The following FAM149A variants were observed in gnomAD, a reference collection of about 807,000 sequenced individuals.
The protein encoded by FAM149A is family with sequence similarity 149 member A.
A neutral mutation model predicts 78.2 loss-of-function variants in FAM149A; 71 were observed. The ratio of observed to expected loss-of-function variants is 0.91; its 90% confidence interval spans 0.75 to 1.11. The LOEUF (loss-of-function observed/expected upper bound fraction) is 1.11. Ranked by LOEUF, FAM149A falls within the 50% of genes least tolerant of loss-of-function variation. The pLI is 0.00. For missense variants in FAM149A, 1,036 were observed against 971.0 expected (o/e 1.07, Z -0.89); for synonymous variants, 446 against 410.5 (o/e 1.09, Z -1.04).
intron 1 of FAM149A, chr4:186,126,175 C>A (rs2099318258): frequency 2.3e-6 from 2 of 862,784 alleles, no homozygotes; most frequent in Admixed American, 6.2e-5. Context: ...ACTAGGGGTA[C>A]CTCGAGTAAG....
chr4:186,132,807 GAT>G (rs1437971284), intron 1 of FAM149A: 8 of 192,178 alleles, frequency 4.2e-5, no homozygotes, highest in Admixed American at 6.5e-5. Context: ...CAAAAGGAAA[GAT>G]AGTTTCTTGC....
At chr4:186,136,976 T>TCTCTCTTTCTC (rs2099323291) in intron 1 of FAM149A, among the ~76,000 whole-genome samples, 1 of 72,094 alleles carries the variant, frequency 1.4e-5, no homozygotes, top group African/African-American at 6.2e-5. Flanking sequence ...CTCTCTCTCT[T>TCTCTCTTTCTC]TCTCTCTCTC....
chr4:186,132,012 T>G (rs2099320939), intron 1 of FAM149A: 3 of 985,480 alleles, frequency 3.0e-6, no homozygotes, highest in Non-Finnish European at 3.6e-6. Context: ...CTGTTCTAGC[T>G]TTCTTATTAT....
rs1302173989 is a variant in FAM149A at position 186,174,879 on chromosome 4, TAATA to T, written c.*2896_*2899del. On this transcript the variant is annotated 3_prime_UTR_variant, in exon 14 of 14. Coordinates refer to ENST00000389354, the MANE Select transcript of FAM149A (RefSeq NM_001367768.3). ...TAGGGCAGTGTTTTATAATCTACTT[TAATA>T]AATGAGTCTTACCTTAGAATTAATC... Among the ~76,000 whole-genome samples the T allele has an allele frequency of 1.1e-4, 12 of 106,600 alleles. 2 individuals are homozygous for T. In the East Asian group the frequency reaches 2.7e-3, roughly 24 times the overall value. The allele number at this position is 106,600 out of a possible 152,430, so 69.9% of individuals were successfully genotyped here. A position where few individuals can be genotyped will look rare whatever the true frequency, so the allele number is the denominator to read the frequency against.
chr4:186,168,057 C>T (rs545017790), intron 13 of FAM149A, among the ~76,000 whole-genome samples: 1 of 152,294 alleles, frequency 6.6e-6, no homozygotes, highest in African/African-American at 2.4e-5. Context: ...TATTGTTTTA[C>T]AGGGAATTTT....
In FAM149A at chr4:186,104,935, G is replaced by C. The variant is rs1214816106; in HGVS notation, c.-142G>C. On this transcript the variant is annotated 5_prime_UTR_variant, in exon 1 of 14. Transcript: ENST00000389354. ...CAGCGGCGCGGAGCTGAGCGTCCTC[G>C]GGGAGGAGAGGGAGCCAGGGGCCTC... 6.1e-6 allele frequency: 7 copies of C among 1,147,600 alleles called. No individual in the cohort carries two copies. The highest frequency in any genetic ancestry group is 7.6e-6 in the Non-Finnish European group (7 of 925,910). 71.1% of individuals were successfully genotyped at this position (1,147,600 alleles called of 1,614,324 possible). A position where few individuals can be genotyped will look rare whatever the true frequency, so the allele number is the denominator to read the frequency against.
At chr4:186,107,411 G>A (rs1415266441) in intron 1 of FAM149A, 1 of 152,162 alleles carries the variant, frequency 6.6e-6, no homozygotes, top group African/African-American at 2.4e-5. Context: ...TGAAGAAATT[G>A]AATTTTTAAA....
In FAM149A at chr4:186,172,273, C is replaced by G. The variant is rs543063053; in HGVS notation, c.*286C>G. 9.5e-6 allele frequency: 3 copies of G among 314,872 alleles called. No individual in the cohort carries two copies. The highest frequency in any genetic ancestry group is 1.7e-5 in the Non-Finnish European group (3 of 173,542). The allele number at this position is 314,872 out of a possible 1,614,324, so 19.5% of individuals were successfully genotyped here. A position where few individuals can be genotyped will look rare whatever the true frequency, so the allele number is the denominator to read the frequency against. ...GCAGTCCGTCATTTTATCAATGATACGCAAACATAATTAGCATGTGTATGT... is the reference window on the plus strand; with the variant it reads ...GCAGTCCGTCATTTTATCAATGATAGGCAAACATAATTAGCATGTGTATGT... On this transcript the variant is annotated 3_prime_UTR_variant, in exon 14 of 14. Transcript: ENST00000389354.
intron 8 of FAM149A, among the ~76,000 whole-genome samples, chr4:186,160,528 C>A (rs148779201): frequency 6.7e-6 from 1 of 149,418 alleles, no homozygotes; most frequent in African/African-American, 2.5e-5. Flanking sequence ...TACACACACA[C>A]TACACACCAC....
chr4:186,105,284 C>T lies in FAM149A; in HGVS notation c.208C>T (p.Pro70Ser), dbSNP rs2099308298. ...CTCCCCCTCCGCCTCGCGGCGGTCG[C>T]CCGCCCCGCTGCTCTCCTCCCCCTA... The change falls in exon 1 of 14, where the codon CCC (proline) becomes TCC (serine). Residue 70 changes from proline to serine, a missense_variant. Physicochemically the swap from Pro to Ser is moderately conservative, Grantham distance 74. Coordinates refer to ENST00000389354, the MANE Select transcript of FAM149A (RefSeq NM_001367768.3). 8.4e-7 allele frequency: 1 copy of T among 1,192,816 alleles called. No homozygotes were observed. Among genetic ancestry groups the T allele is most frequent in the Non-Finnish European group, 1.1e-6 (1 of 949,950 alleles). The allele number at this position is 1,192,816 out of a possible 1,614,324, so 73.9% of individuals were successfully genotyped here. A position where few individuals can be genotyped will look rare whatever the true frequency, so the allele number is the denominator to read the frequency against.
rs2099319875 is a variant in FAM149A at position 186,129,937 on chromosome 4, G to A, written c.567-19236G>A. 4 of 152,156 alleles carry A rather than the reference G, an allele frequency of 2.6e-5. No homozygotes were observed. In the South Asian group the frequency reaches 8.3e-4, roughly 32 times the overall value. The allele number at this position is 152,156 out of a possible 1,614,324, so 9.4% of individuals were successfully genotyped here. ...GTAGAAGTACCAAGGGCCAGTTCAT[G>A]AAGATTAAAGGCCACTCTGTGAGAA... On this transcript the variant is annotated intron_variant, in intron 1 of 13. Transcript: ENST00000389354.
At chr4:186,143,149 CTTTTTTTT>C (rs141403092) in intron 1 of FAM149A, among the ~76,000 whole-genome samples, 3 of 85,038 alleles carry the variant, frequency 3.5e-5, no homozygotes, top group Non-Finnish European at 4.9e-5. Context: ...TCGATTTTTA[CTTTTTTTT>C]TTTTTTTTTT....
chr4:186,153,794 A>C (rs1733804923), intron 5 of FAM149A, 24 bp downstream of exon 5: 2 of 1,576,232 alleles, frequency 1.3e-6, no homozygotes, highest in Non-Finnish European at 1.7e-6. Flanking sequence ...AGTGACTCTC[A>C]AAAAGTATTG....
intron 8 of FAM149A, among the ~76,000 whole-genome samples, chr4:186,161,325 G>T (rs963492028): frequency 6.6e-6 from 1 of 152,200 alleles, no homozygotes; most frequent in African/African-American, 2.4e-5. Context: ...TTCTAAACCC[G>T]CGATCTTTGT....
At chr4:186,149,403 G>A in intron 2 of FAM149A, 120 bp downstream of exon 2, 1 of 1,109,316 alleles carries the variant, frequency 9.0e-7, no homozygotes, top group Non-Finnish European at 1.2e-6. Flanking sequence ...TTTTAACCTA[G>A]TGTAAACATC....
chr4:186,131,667 T>A (rs975109571), intron 1 of FAM149A, among the ~76,000 whole-genome samples: 5 of 152,228 alleles, frequency 3.3e-5, no homozygotes, highest in African/African-American at 1.2e-4. Flanking sequence ...ATACCTCAAG[T>A]CACACTACAC....
At chr4:186,118,200 C>T in intron 1 of FAM149A, 2 of 985,412 alleles carry the variant, frequency 2.0e-6, no homozygotes, top group Non-Finnish European at 2.4e-6. Flanking sequence ...ACATCACACA[C>T]CACGCAAGAT....
intron 1 of FAM149A, among the ~76,000 whole-genome samples, chr4:186,107,913 A>G (rs2099309452): frequency 6.6e-6 from 1 of 152,124 alleles, no homozygotes; most frequent in Non-Finnish European, 1.5e-5. Flanking sequence ...CCTTCCTCTC[A>G]TCATACCCCA....
chr4:186,127,846 C>A (rs556059918), intron 1 of FAM149A: 38 of 182,072 alleles, frequency 2.1e-4, no homozygotes, highest in Non-Finnish European at 2.7e-4. Flanking sequence ...CCACCATTCC[C>A]AGCTAATTTT....
Sources: gnomAD v4.1 joint callset for allele counts (sites outside exome capture counted in the v4.1 genomes callset) on GRCh38, gnomAD v4.1.1 for gene constraint, MANE v1.5 for transcripts, NCBI Gene and HGNC (gene_info 2026-07-23, HGNC 2026-07-21) for gene names.